The following EEF2 variants were observed in gnomAD, a reference collection of about 807,000 sequenced individuals.
EEF2 encodes elongation factor 2.
Under a neutral mutation model 85.3 loss-of-function variants are expected in EEF2, and 21 were observed. The ratio of observed to expected loss-of-function variants is 0.25; its 90% CI spans 0.17 to 0.35. The LOEUF is 0.35. EEF2 is among the 10% of genes least tolerant of loss of function. EEF2 has a pLI of 1.00. For synonymous variants in EEF2, 723 were observed against 508.8 expected (o/e 1.42, Z -5.67); for missense variants, 825 against 1,225.3 (o/e 0.67, Z 4.88).
Position 3,980,871 on chromosome 19 carries a change from C to T in EEF2, c.1120G>A (p.Glu374Lys), listed in dbSNP as rs772293215. 1 of 1,563,232 alleles carries T rather than the reference C, an allele frequency of 6.4e-7. No homozygotes were observed. The highest frequency in any genetic ancestry group is 2.4e-5 in the East Asian group (1 of 41,986). Residue 374 changes from glutamate to lysine, a missense_variant, in exon 8 of 15, where the codon GAG becomes AAG. Physicochemically the swap from Glu to Lys is moderately conservative, Grantham distance 56 (BLOSUM62 1). Coordinates refer to ENST00000309311, the MANE Select transcript of EEF2 (RefSeq NM_001961.4). ...GCAGCCTCGTCGTCCGGGGGCCCCT[C>T]GTACAGGAGCTCGCAGCGGTACTTC... ...AQKYRCELLY[E>K]GPPDDEAAMG... is the part of the protein sequence containing the mutation.
chr19:3,983,735 C>T (rs1332694522), intron 2 of EEF2: 5 of 308,402 alleles, frequency 1.6e-5, no homozygotes, highest in Non-Finnish European at 3.1e-5. Context: ...CCGTACTCTG[C>T]GCTCCCCCTA....
Position 3,983,023 on chromosome 19 carries a change from G to A in EEF2, c.401-5C>T, listed in dbSNP as rs375851064. The A allele has an allele frequency of 1.2e-6, 2 of 1,612,714 alleles. No individual in the cohort carries two copies. The highest frequency in any genetic ancestry group is 1.7e-6 in the Non-Finnish European group (2 of 1,179,856). ...TCTCCGTCTGCACGCACACGCCTGGGGACACGGGGGACAGGGCGGCGCTGT... is the reference window on the plus strand; with the variant it reads ...TCTCCGTCTGCACGCACACGCCTGGAGACACGGGGGACAGGGCGGCGCTGT... On this transcript the variant is annotated splice_polypyrimidine_tract_variant and splice_region_variant and intron_variant, in intron 3 of 14. Transcript: ENST00000309311.
rs1599193293 is a variant in EEF2, at chr19:3,979,901, A to G, written c.1512T>C (p.Val504=). Reference sequence around the variant, plus strand: ...TCTTGGCCTCCACGGCCACTCTGACAACAGGGCTGACGCTGAACTTCATCA... The same window carrying G: ...TCTTGGCCTCCACGGCCACTCTGACGACAGGGCTGACGCTGAACTTCATCA... ...MRVMKFSVSP[V]VRVAVEAKNP... Residue 504 remains valine (V), a synonymous_variant, in exon 10 of 15, where the codon GTT becomes GTC. Transcript: ENST00000309311. 1 of 1,613,864 alleles carries G rather than the reference A, an allele frequency of 6.2e-7. No homozygotes were observed. The highest frequency in any genetic ancestry group is 8.5e-7 in the Non-Finnish European group (1 of 1,180,042).
chr19:3,981,412 G>C lies in EEF2; in HGVS notation c.938C>G (p.Ala313Gly). The C allele has an allele frequency of 6.2e-7, 1 of 1,614,190 alleles. No homozygotes were observed. The highest frequency in any genetic ancestry group is 2.2e-5 in the East Asian group (1 of 44,890). Residue 313 changes from alanine (A) to glycine (G), a missense_variant, in exon 7 of 15, where the codon GCA becomes GGA. Transcript: ENST00000309311. Reference protein sequence around the residue: ...AIMNFKKEETAKLIEKLDIKL... With the variant: ...AIMNFKKEETGKLIEKLDIKL... ...GATGTCCAGTTTCTCTATCAGTTTT[G>C]CTGTCTCCTCTTTCTTGAAATTCAT...
rs561965688 is a variant in EEF2 at position 3,982,533 on chromosome 19, A to G, written c.613-109T>C. 18 of 1,382,790 alleles carry G rather than the reference A, an allele frequency of 1.3e-5. 1 individual carries two copies. The highest frequency in any genetic ancestry group is 1.8e-5 in the Non-Finnish European group (18 of 977,800). 85.7% of individuals were successfully genotyped at this position (1,382,790 alleles called of 1,614,324 possible). On this transcript the variant is annotated intron_variant, in intron 4 of 14. Transcript: ENST00000309311. ...CTCAGACGCAGGCTTTCTTCAGTAG[A>G]CATCTGGTCAAAGTGAAGAAATGAT...
rs1006145294 is a variant in EEF2, at chr19:3,984,252, C to T, written c.102G>A (p.Thr34=). 12 of 1,614,060 alleles carry T rather than the reference C, an allele frequency of 7.4e-6. No homozygotes were observed. The highest frequency in any genetic ancestry group is 3.3e-5 in the Admixed American group (2 of 60,004). The part of the protein sequence containing the change: ...VIAHVDHGKS[T]LTDSLVCKAG... ...CCTTGCACACCAGGGAGTCTGTCAGCGTGGACTTGCCATGGTCCACGTGGG... is the reference window on the plus strand; with the variant it reads ...CCTTGCACACCAGGGAGTCTGTCAGTGTGGACTTGCCATGGTCCACGTGGG... Residue 34 remains threonine (T), a synonymous_variant, in exon 2 of 15, where the codon ACG becomes ACA. Coordinates refer to ENST00000309311, the MANE Select transcript of EEF2 (RefSeq NM_001961.4).
rs2039777056 is a variant in EEF2, at chr19:3,983,165, C to A, written c.345G>T (p.Val115=). The A allele has an allele frequency of 1.2e-6, 2 of 1,614,110 alleles. No individual in the cohort carries two copies. Among genetic ancestry groups the A allele is most frequent in the Non-Finnish European group, 1.7e-6 (2 of 1,180,020 alleles). The change falls in exon 3 of 15, where the codon GTG becomes GTT. Residue 115 remains valine (V), a synonymous_variant. Transcript: ENST00000309311. ...SPGHVDFSSE[V]TAALRVTDGA... is the part of the protein sequence containing the mutation. ...CATCGGTGACTCGGAGGGCAGCAGT[C>A]ACCTCCGAGGAGAAGTCGACATGCC...
intron 11 of EEF2, 46 bp from the exon 12 acceptor site, chr19:3,978,218 A>C (rs1415557162): frequency 1.1e-5 from 16 of 1,409,908 alleles, no homozygotes; most frequent in Admixed American, 8.9e-5. Flanking sequence ...GAAAGAGGTG[A>C]CCTTACACAC....
In EEF2 at chr19:3,977,201, G is replaced by A. The variant is rs200198271; in HGVS notation, c.2383+14C>T. On this transcript the variant is annotated intron_variant, in intron 14 of 14. Transcript: ENST00000309311. The surrounding 1 kb of genome is among the most constrained non-coding windows in gnomAD (Gnocchi z 5.4). ...CCTGCCAGGCTCTGCAGGCCACACC[G>A]GGCAGGCACTCACCAAAGGACTCGT... 6.5e-5 allele frequency: 105 copies of A among 1,611,822 alleles called. 1 individual carries two copies. Among genetic ancestry groups the A allele is most frequent in the South Asian group, 4.7e-4 (43 of 90,882 alleles).
chr19:3,980,487 G>T, intron 9 of EEF2, 27 bp downstream of exon 9: 1 of 1,599,546 alleles, frequency 6.3e-7, no homozygotes, highest in Non-Finnish European at 8.5e-7. Flanking sequence ...CAGTGCCAAG[G>T]GGCCTGCACA....
Position 3,976,396 on chromosome 19 carries a change from G to A in EEF2, c.*158C>T. ...TAAATATTGAAAGAAACGGCATCAA[G>A]TGTTATGGTTGAGTGATGGCACGCA... On this transcript the variant is annotated 3_prime_UTR_variant, in exon 15 of 15. Transcript: ENST00000309311. 1 of 684,074 alleles carries A rather than the reference G, an allele frequency of 1.5e-6. No individual in the cohort carries two copies. Among genetic ancestry groups the A allele is most frequent in the Non-Finnish European group, 2.3e-6 (1 of 430,324 alleles). The allele number at this position is 684,074 out of a possible 1,614,324, so 42.4% of individuals were successfully genotyped here.
At chr19:3,985,181 G>A (rs1368025460) in intron 1 of EEF2, 197 bp downstream of exon 1, 19 of 543,296 alleles carry the variant, frequency 3.5e-5, no homozygotes, top group Non-Finnish European at 5.2e-5. Context: ...GGCGCCCTCG[G>A]AAACGGAGAA....
chr19:3,978,683 A>T (rs1599191895), intron 11 of EEF2, among the ~76,000 whole-genome samples: 1 of 151,254 alleles, frequency 6.6e-6, no homozygotes, highest in Non-Finnish European at 1.5e-5. Flanking sequence ...CAGGCGCCTG[A>T]AGTCCCAGCT....
At chr19:3,985,185 C>G in intron 1 of EEF2, 193 bp downstream of exon 1, 1 of 560,938 alleles carries the variant, frequency 1.8e-6, no homozygotes, top group Non-Finnish European at 2.8e-6. Flanking sequence ...CCCTCGGAAA[C>G]GGAGAAAGGG....
chr19:3,981,975 C>G lies in EEF2; in HGVS notation c.869G>C (p.Cys290Ser). ...GAAGATGGGGTCCAGGATCAGCTGG[C>G]AGAAGGTGCGTGGCAGCTTCTTCCC... Reference protein sequence around the residue: ...PEGKKLPRTFCQLILDPIFKV... With the variant: ...PEGKKLPRTFSQLILDPIFKV... Residue 290 changes from cysteine to serine, a missense_variant, in exon 6 of 15, where the codon TGC becomes TCC. Coordinates refer to ENST00000309311, the MANE Select transcript of EEF2 (RefSeq NM_001961.4). 6.8e-6 allele frequency: 11 copies of G among 1,614,152 alleles called. No individual in the cohort carries two copies. Among genetic ancestry groups the G allele is most frequent in the Non-Finnish European group, 9.3e-6 (11 of 1,180,010 alleles).
chr19:3,981,217 C>G, intron 7 of EEF2, 122 bp downstream of exon 7: 1 of 1,123,154 alleles, frequency 8.9e-7, no homozygotes, highest in African/African-American at 1.5e-5. Context: ...GAGTCTAAAG[C>G]GAAAGGGGCA....
rs11544964 is a variant in EEF2 at position 3,982,326 on chromosome 19, G to A, written c.711C>T (p.Ala237=). ...QFAEMYVAKF[A]AKGEGQLGPA... ...GCCCCAACTGGCCCTCCCCCTTGGC[G>A]GCGAACTTGGCCACATACATCTCGG... Residue 237 remains alanine, a synonymous_variant, in exon 5 of 15, where the codon GCC becomes GCT. Transcript: ENST00000309311. The A allele has an allele frequency of 2.7e-3, 4,342 of 1,614,112 alleles. 115 individuals are homozygous for A. In the African/African-American group the frequency reaches 0.052, roughly 19 times the overall value.
chr19:3,980,808 GC>G, intron 8 of EEF2, 32 bp downstream of exon 8: 1 of 1,582,146 alleles, frequency 6.3e-7, no homozygotes, highest in Non-Finnish European at 8.6e-7. Context: ...TCATCCGGCT[GC>G]ATCTCAGGGC....
At position 3,979,470 on chromosome 19, in the gene EEF2, G is replaced by T. The variant is rs1431054171; in HGVS notation, c.1606-34C>A. On this transcript the variant is annotated intron_variant, in intron 10 of 14. Transcript: ENST00000309311. ...GATGCGGGTCAGCACCAAAGGGGTA[G>T]GCGGCTCGGAACAGGCGGGACCAGG... is the stretch of plus-strand genomic sequence containing the variant. 3 of 1,588,062 alleles carry T rather than the reference G, an allele frequency of 1.9e-6. No homozygotes were observed. The Admixed American group carries it at 5.0e-5, about 27-fold the overall frequency.
Sources: gnomAD v4.1 joint callset for allele counts (sites outside exome capture counted in the v4.1 genomes callset) on GRCh38, gnomAD v4.1.1 for gene constraint, Gnocchi (gnomAD v3.1) non-coding constraint, MANE v1.5 for transcripts, NCBI Gene and HGNC (gene_info 2026-07-23, HGNC 2026-07-21) for gene names.